Variants in SCHIP1 observed in about 807,000 individuals in gnomAD.
SCHIP1 encodes the protein schwannomin interacting protein 1, also known as schwannomin-interacting protein 1.
In SCHIP1, 8 loss-of-function variants were observed where a neutral mutation model predicts 29.7. That is an observed-to-expected ratio of 0.27 (90% CI 0.16 to 0.49). SCHIP1 has a LOEUF of 0.49. SCHIP1 is among the 20% of genes least tolerant of loss of function. The pLI is 0.99. For synonymous variants in SCHIP1, 76 were observed against 94.9 expected (o/e 0.80, Z 1.16); for missense variants, 193 against 294.6 (o/e 0.66, Z 2.52).
At chr3:159,458,081 T>C in the SCHIP1 span, among the ~76,000 whole-genome samples, 1 of 152,222 alleles carries the variant, frequency 6.6e-6, no homozygotes, top group Non-Finnish European at 1.5e-5. Flanking sequence ...CATTTTATCA[T>C]GCACATACTT....
the SCHIP1 span, among the ~76,000 whole-genome samples, chr3:159,425,490 A>G: frequency 6.6e-6 from 1 of 152,136 alleles, no homozygotes; most frequent in Non-Finnish European, 1.5e-5. Context: ...AAGAAGAGCT[A>G]ACTATCCTAA....
At chr3:159,660,185 AT>A in the SCHIP1 span, among the ~76,000 whole-genome samples, 18 of 152,264 alleles carry the variant, frequency 1.2e-4, no homozygotes, top group African/African-American at 4.3e-4. Flanking sequence ...GGGGCAGTTG[AT>A]TTAGTGCCCT....
chr3:159,681,886 A>G, the SCHIP1 span, among the ~76,000 whole-genome samples: 2 of 151,862 alleles, frequency 1.3e-5, no homozygotes, highest in Non-Finnish European at 2.9e-5. Context: ...ACGTTAACTT[A>G]GGTTAACTTG....
the SCHIP1 span, among the ~76,000 whole-genome samples, chr3:159,600,523 G>A: frequency 2.6e-5 from 4 of 152,206 alleles, no homozygotes; most frequent in East Asian, 3.9e-4. Context: ...GAATTCTTCA[G>A]TTCTAAAAAC....
chr3:159,714,895 G>GCA, the SCHIP1 span, among the ~76,000 whole-genome samples: 2 of 152,238 alleles, frequency 1.3e-5, no homozygotes, highest in African/African-American at 4.8e-5. Flanking sequence ...GAAGAGAGTA[G>GCA]TGGTTCTCCC....
At chr3:159,383,908 TTGTC>T in the SCHIP1 span, among the ~76,000 whole-genome samples, 1 of 151,570 alleles carries the variant, frequency 6.6e-6, no homozygotes, top group African/African-American at 2.4e-5. Flanking sequence ...GGCTCTCTGT[TTGTC>T]TGTGATTGGT....
the SCHIP1 span, among the ~76,000 whole-genome samples, chr3:159,347,065 C>T: frequency 6.6e-6 from 1 of 152,116 alleles, no homozygotes; most frequent in African/African-American, 2.4e-5. Context: ...CATGACCAGA[C>T]CTGAATTTCT....
At chr3:159,440,003 T>C in the SCHIP1 span, among the ~76,000 whole-genome samples, 1 of 152,174 alleles carries the variant, frequency 6.6e-6, no homozygotes, top group Non-Finnish European at 1.5e-5. Context: ...TGACATTGCT[T>C]AGGTTTTCTT....
At chr3:159,541,992 G>A in the SCHIP1 span, among the ~76,000 whole-genome samples, 1 of 152,078 alleles carries the variant, frequency 6.6e-6, no homozygotes, top group African/African-American at 2.4e-5. Flanking sequence ...GCTCTAGCAT[G>A]AAAGTGGCTT....
At chr3:159,352,577 G>A in the SCHIP1 span, among the ~76,000 whole-genome samples, 1 of 151,794 alleles carries the variant, frequency 6.6e-6, no homozygotes. Context: ...GTGTGTGCGT[G>A]ATGGAATTTT....
chr3:159,336,694 T>C, the SCHIP1 span, among the ~76,000 whole-genome samples: 6 of 152,324 alleles, frequency 3.9e-5, no homozygotes, highest in African/African-American at 1.2e-4. Context: ...TTCTTTTCCA[T>C]TGGTCTATAT....
chr3:159,509,230 C>T, the SCHIP1 span, among the ~76,000 whole-genome samples: 2 of 152,216 alleles, frequency 1.3e-5, no homozygotes, highest in Non-Finnish European at 2.9e-5. Context: ...TAATGGCCTT[C>T]TTTGTCTCTT....
chr3:159,524,856 T>C, the SCHIP1 span, among the ~76,000 whole-genome samples: 4 of 152,212 alleles, frequency 2.6e-5, no homozygotes, highest in African/African-American at 9.7e-5. Context: ...CAATTACAAC[T>C]CCTGCATGCC....
the SCHIP1 span, among the ~76,000 whole-genome samples, chr3:159,285,559 T>C: frequency 6.6e-6 from 1 of 152,134 alleles, no homozygotes; most frequent in Non-Finnish European, 1.5e-5. Context: ...TTTGCCTTGT[T>C]TTTGTTTTGT....
chr3:159,561,865 A>T, the SCHIP1 span, among the ~76,000 whole-genome samples: 1 of 152,132 alleles, frequency 6.6e-6, no homozygotes, highest in Non-Finnish European at 1.5e-5. Context: ...TAATGAGTTG[A>T]TATGAGAATA....
At chr3:159,485,510 C>T in the SCHIP1 span, among the ~76,000 whole-genome samples, 22 of 152,172 alleles carry the variant, frequency 1.4e-4, no homozygotes, top group Admixed American at 1.2e-3. Flanking sequence ...CATCTCTTAG[C>T]ACTTACTTTC....
chr3:159,825,719 G>A, the SCHIP1 span, among the ~76,000 whole-genome samples: 1 of 152,106 alleles, frequency 6.6e-6, no homozygotes, highest in East Asian at 1.9e-4. Flanking sequence ...GCTCTCTCAC[G>A]GAGCATACAA....
chr3:159,630,160 A>G, the SCHIP1 span, among the ~76,000 whole-genome samples: 5 of 152,314 alleles, frequency 3.3e-5, no homozygotes, highest in African/African-American at 1.2e-4. Flanking sequence ...CATTGGGAAT[A>G]CATAAAATGA....
At chr3:159,507,928 C>CT in the SCHIP1 span, among the ~76,000 whole-genome samples, 625 of 151,990 alleles carry the variant, frequency 4.1e-3, no homozygotes, top group Non-Finnish European at 6.9e-3. Flanking sequence ...CTAAAATTCT[C>CT]TTTTTTTGTT....
Sources: gnomAD v4.1 joint callset for allele counts (sites outside exome capture counted in the v4.1 genomes callset) on GRCh38, gnomAD v4.1.1 for gene constraint, MANE v1.5 for transcripts, NCBI Gene and HGNC (gene_info 2026-07-23, HGNC 2026-07-21) for gene names.